TUSC3: variants seen among roughly 807,000 people sequenced by gnomAD.
TUSC3 encodes the protein dolichyl-diphosphooligosaccharide--protein glycosyltransferase subunit TUSC3.
In TUSC3, 45 loss-of-function variants were observed where a neutral mutation model predicts 44.8. The ratio of observed to expected loss-of-function variants is 1.00; its 90% CI spans 0.79 to 1.29. The LOEUF (loss-of-function observed/expected upper bound fraction) is 1.29, where lower values mean the gene tolerates loss of function less well. TUSC3 is among the 50% of genes most tolerant of loss of function. TUSC3 has a pLI of 0.00. For missense variants in TUSC3, 519 were observed against 437.9 expected (o/e 1.19, Z -1.65); for synonymous variants, 212 against 152.9 (o/e 1.39, Z -2.85).
chr8:15,484,550 GTCTA>G (rs535362671), intron 2 of TUSC3, among the ~76,000 whole-genome samples: 158 of 152,298 alleles, frequency 1.0e-3, no homozygotes, highest in Admixed American at 2.0e-3. Flanking sequence ...TATCCAACAT[GTCTA>G]TCTCTTTCTC....
intron 2 of TUSC3, among the ~76,000 whole-genome samples, chr8:15,523,664 A>ATATGTGTGTG (rs1345376349): frequency 1.2e-4 from 5 of 42,504 alleles, no homozygotes; most frequent in Admixed American, 2.9e-4. Context: ...ATATATATAT[A>ATATGTGTGTG]TGTGTGTGTG....
chr8:15,638,662 A>T (rs1806209992), intron 2 of TUSC3, among the ~76,000 whole-genome samples: 1 of 151,526 alleles, frequency 6.6e-6, no homozygotes, highest in African/African-American at 2.4e-5. Context: ...AGTAGCTGGG[A>T]TTACAGACAT....
chr8:15,583,969 A>C (rs952086589), intron 1 of TUSC3, among the ~76,000 whole-genome samples: 1 of 152,214 alleles, frequency 6.6e-6, no homozygotes, highest in Non-Finnish European at 1.5e-5. Context: ...ATCTCATGAT[A>C]GATAGTGTCA....
chr8:15,693,138 C>T (rs147376214), intron 6 of TUSC3, among the ~76,000 whole-genome samples: 1 of 152,254 alleles, frequency 6.6e-6, no homozygotes, highest in Non-Finnish European at 1.5e-5. Context: ...TTAATTGGGG[C>T]ATTTAGCCTG....
At chr8:15,742,145 G>A (rs552886806) in intron 7 of TUSC3, among the ~76,000 whole-genome samples, 67 of 150,810 alleles carry the variant, frequency 4.4e-4, no homozygotes, top group African/African-American at 1.6e-3. Flanking sequence ...TGAAAGGCAG[G>A]AATTTCATAG....
chr8:15,761,145 C>T (rs1812153595), intron 10 of TUSC3, among the ~76,000 whole-genome samples: 2 of 152,116 alleles, frequency 1.3e-5, no homozygotes, highest in African/African-American at 4.8e-5. Flanking sequence ...CTAACACTTG[C>T]GTGTTTCTCT....
chr8:15,523,702 G>GTATATATATATATATATATATATA (rs1563273682), intron 2 of TUSC3, among the ~76,000 whole-genome samples: 4 of 112,046 alleles, frequency 3.6e-5, no homozygotes, highest in African/African-American at 1.2e-4. Flanking sequence ...GTGTGTGTGT[G>GTATATATATATATATATATATATA]TGTGTGTATA....
intron 1 of TUSC3, among the ~76,000 whole-genome samples, chr8:15,592,349 T>G (rs1803878951): frequency 6.6e-6 from 1 of 152,162 alleles, no homozygotes; most frequent in East Asian, 1.9e-4. Context: ...CTTGATACGG[T>G]TTGGATATTT....
intron 1 of TUSC3, among the ~76,000 whole-genome samples, chr8:15,553,631 C>T (rs571034510): frequency 2.6e-5 from 4 of 151,488 alleles, no homozygotes; most frequent in Non-Finnish European, 5.9e-5. Flanking sequence ...TTAGCAAGAA[C>T]GGCTTCATTG....
At chr8:15,494,553 G>T (rs914001420) in intron 2 of TUSC3, among the ~76,000 whole-genome samples, 4 of 152,090 alleles carry the variant, frequency 2.6e-5, no homozygotes, top group African/African-American at 7.2e-5. Context: ...TCTTGACGTC[G>T]TGATCTGCAC....
In TUSC3 at chr8:15,558,400, C is replaced by T. The variant is rs1352429118; in HGVS notation, c.138+17832C>T. Among the ~76,000 whole-genome samples the T allele has an allele frequency of 5.4e-5, 3 of 55,836 alleles. 1 individual carries two copies. Among genetic ancestry groups the T allele is most frequent in the Non-Finnish European group, 1.5e-4 (3 of 20,470 alleles). 36.6% of individuals were successfully genotyped at this position (55,836 alleles called of 152,430 possible). ...AAGCTTTTTGATGTGCTGCTGGATT[C>T]GTTTTGCCAGTATTTTATTGAGGAT... On this transcript the variant is annotated intron_variant, in intron 1 of 10. Transcript: ENST00000503731.
At chr8:15,576,642 C>T (rs1244484630) in intron 1 of TUSC3, among the ~76,000 whole-genome samples, 1 of 142,830 alleles carries the variant, frequency 7.0e-6, no homozygotes, top group Non-Finnish European at 1.5e-5. Flanking sequence ...GACACGAACT[C>T]ATCATTTTTT....
At chr8:15,621,109 C>G (rs1018639311) in intron 1 of TUSC3, among the ~76,000 whole-genome samples, 5 of 151,954 alleles carry the variant, frequency 3.3e-5, no homozygotes, top group African/African-American at 1.2e-4. Flanking sequence ...GTGGATTACC[C>G]TGCTTGATTT....
the TUSC3 span, among the ~76,000 whole-genome samples, chr8:15,817,331 G>C: frequency 3.8e-5 from 5 of 131,418 alleles, no homozygotes; most frequent in African/African-American, 1.1e-4. Context: ...AACCAGAGAA[G>C]AAAGAAATTA....
At chr8:15,783,900 G>A in the TUSC3 span, among the ~76,000 whole-genome samples, 5 of 152,062 alleles carry the variant, frequency 3.3e-5, no homozygotes, top group Non-Finnish European at 7.4e-5. Flanking sequence ...AAGAAGCAGT[G>A]GAATGAAGAG....
chr8:15,431,742 T>G (rs1799876036), intron 1 of TUSC3, among the ~76,000 whole-genome samples: 1 of 151,580 alleles, frequency 6.6e-6, no homozygotes, highest in Non-Finnish European at 1.5e-5. Flanking sequence ...GTCTTCCTCC[T>G]AATATTACAG....
chr8:15,678,770 C>G (rs750206731), intron 6 of TUSC3, among the ~76,000 whole-genome samples: 5 of 151,856 alleles, frequency 3.3e-5, no homozygotes, highest in African/African-American at 4.8e-5. Context: ...CAGCTTTTGG[C>G]CTCCTTCCCT....
the TUSC3 span, among the ~76,000 whole-genome samples, chr8:15,787,857 T>G: frequency 6.6e-6 from 1 of 152,208 alleles, no homozygotes; most frequent in Non-Finnish European, 1.5e-5. Flanking sequence ...CAGGTTGAAC[T>G]TTAATCACAA....
At chr8:15,509,266 C>G (rs1443374488) in intron 2 of TUSC3, among the ~76,000 whole-genome samples, 2 of 152,192 alleles carry the variant, frequency 1.3e-5, no homozygotes, top group Admixed American at 1.3e-4. Flanking sequence ...CCACAGCCAT[C>G]TAAGTTAGTT....
Sources: allele counts gnomAD v4.1 joint callset (sites outside exome capture counted in the v4.1 genomes callset), GRCh38; gene constraint gnomAD v4.1.1; transcripts MANE v1.5; gene names NCBI Gene and HGNC (gene_info 2026-07-23, HGNC 2026-07-21).